SEMA3A: variants seen among roughly 807,000 people sequenced by gnomAD.
SEMA3A encodes semaphorin-3A.
In SEMA3A, 29 loss-of-function variants were observed where a neutral mutation model predicts 97.9. That is an observed-to-expected ratio of 0.30 (90% CI 0.22 to 0.40). The LOEUF (loss-of-function observed/expected upper bound fraction) is 0.40. SEMA3A is among the 10% of genes least tolerant of loss of function. The pLI, the probability that SEMA3A is intolerant of heterozygous loss-of-function variation, is 1.00. For missense variants in SEMA3A, 763 were observed against 951.3 expected, an observed-to-expected ratio of 0.80 and a Z score of 2.60; for synonymous variants, 321 against 323.7, an observed-to-expected ratio of 0.99 and a Z score of 0.09.
At chr7:84,341,350 T>C (rs1299342815) in intron 2 of SEMA3A, among the ~76,000 whole-genome samples, 5 of 152,204 alleles carry the variant, frequency 3.3e-5, no homozygotes, top group Admixed American at 6.5e-5. Flanking sequence ...ATGTTTGTTT[T>C]ATCAATCTTC....
intron 2 of SEMA3A, among the ~76,000 whole-genome samples, chr7:84,356,907 A>G (rs1238469670): frequency 6.6e-6 from 1 of 151,786 alleles, no homozygotes; most frequent in Non-Finnish European, 1.5e-5. Flanking sequence ...TTAAGTTTTT[A>G]CTATTTTGAA....
chr7:84,314,449 T>C (rs1271729649), intron 2 of SEMA3A, among the ~76,000 whole-genome samples: 1 of 152,126 alleles, frequency 6.6e-6, no homozygotes, highest in African/African-American at 2.4e-5. Context: ...AGCAGAAGCT[T>C]TAAGATCCAG....
chr7:84,378,835 ATTTG>A (rs1316642771), intron 1 of SEMA3A, among the ~76,000 whole-genome samples: 1 of 151,660 alleles, frequency 6.6e-6, no homozygotes, highest in Non-Finnish European at 1.5e-5. Context: ...TACATTTATT[ATTTG>A]TTTTTTTCTG....
intron 3 of SEMA3A, among the ~76,000 whole-genome samples, chr7:84,263,301 A>C (rs774114009): frequency 6.6e-6 from 1 of 152,234 alleles, no homozygotes; most frequent in Non-Finnish European, 1.5e-5. Flanking sequence ...TGGAAGTCCC[A>C]GTAACTCCCA....
chr7:84,214,332 T>C (rs1371162108), intron 3 of SEMA3A, among the ~76,000 whole-genome samples: 1 of 152,218 alleles, frequency 6.6e-6, no homozygotes, highest in Non-Finnish European at 1.5e-5. Flanking sequence ...ACATTGTATG[T>C]CTCGTTAGAT....
chr7:84,027,764 C>T (rs777752988), intron 6 of SEMA3A, among the ~76,000 whole-genome samples: 9 of 152,082 alleles, frequency 5.9e-5, no homozygotes, highest in Non-Finnish European at 1.0e-4. Flanking sequence ...ACTGTGTGAC[C>T]ATGAGCAAGT....
intron 1 of SEMA3A, among the ~76,000 whole-genome samples, chr7:84,399,641 T>C (rs1803843939): frequency 6.6e-6 from 1 of 152,212 alleles, no homozygotes; most frequent in South Asian, 2.1e-4. Flanking sequence ...TCATTATTAC[T>C]AGGTCATTGC....
At chr7:84,447,951 G>A (rs1370765583) in intron 1 of SEMA3A, among the ~76,000 whole-genome samples, 1 of 152,234 alleles carries the variant, frequency 6.6e-6, no homozygotes, top group East Asian at 1.9e-4. Flanking sequence ...TGCATGTGGT[G>A]CATCTGGTCC....
intron 1 of SEMA3A, among the ~76,000 whole-genome samples, chr7:84,401,893 T>A (rs972517333): frequency 2.0e-5 from 3 of 152,114 alleles, no homozygotes; most frequent in Non-Finnish European, 2.9e-5. Context: ...CCTGAAACTA[T>A]GAAACTATTA....
intron 5 of SEMA3A, among the ~76,000 whole-genome samples, chr7:84,047,400 T>C (rs532122179): frequency 2.8e-4 from 43 of 152,196 alleles, no homozygotes; most frequent in African/African-American, 1.0e-3. Flanking sequence ...ATGTAAATAA[T>C]GTTATCCTTA....
chr7:84,261,717 T>A (rs1799859658), intron 3 of SEMA3A, among the ~76,000 whole-genome samples: 1 of 152,216 alleles, frequency 6.6e-6, no homozygotes, highest in South Asian at 2.1e-4. Context: ...CACACCTTGC[T>A]GCTCTCCGCC....
intron 3 of SEMA3A, among the ~76,000 whole-genome samples, chr7:84,230,503 T>C (rs1455126840): frequency 6.6e-6 from 1 of 151,990 alleles, no homozygotes; most frequent in Non-Finnish European, 1.5e-5. Flanking sequence ...TCCTCTTTTA[T>C]TGGTACTTTC....
At chr7:84,447,075 C>G (rs1454684332) in intron 1 of SEMA3A, among the ~76,000 whole-genome samples, 1 of 152,204 alleles carries the variant, frequency 6.6e-6, no homozygotes, top group Non-Finnish European at 1.5e-5. Flanking sequence ...GCTCTGATTT[C>G]AAAGCAAAGT....
intron 12 of SEMA3A, among the ~76,000 whole-genome samples, chr7:83,988,732 TATC>T (rs1562956826): frequency 6.6e-6 from 1 of 152,078 alleles, no homozygotes. Context: ...ACACAAAAAT[TATC>T]AATCATAAAG....
intron 3 of SEMA3A, among the ~76,000 whole-genome samples, chr7:84,265,072 C>T (rs1399328229): frequency 1.3e-5 from 2 of 152,074 alleles, no homozygotes; most frequent in Non-Finnish European, 2.9e-5. Flanking sequence ...GAAGGCTTCA[C>T]TTGAGTTTTG....
chr7:84,354,898 T>A (rs1448660981), intron 2 of SEMA3A, among the ~76,000 whole-genome samples: 1 of 151,770 alleles, frequency 6.6e-6, no homozygotes, highest in East Asian at 1.9e-4. Flanking sequence ...GATATGAAAA[T>A]ATGGTATCAT....
chr7:84,234,292 C>T (rs1799184062), intron 3 of SEMA3A, among the ~76,000 whole-genome samples: 1 of 152,074 alleles, frequency 6.6e-6, no homozygotes, highest in Non-Finnish European at 1.5e-5. Flanking sequence ...CCTGACCTTA[C>T]TCTGGTGGTG....
At chr7:84,340,151 T>C (rs1240574318) in intron 2 of SEMA3A, among the ~76,000 whole-genome samples, 1 of 152,136 alleles carries the variant, frequency 6.6e-6, no homozygotes, top group Admixed American at 6.6e-5. Flanking sequence ...TAATATACTT[T>C]TACAATTTCT....
chr7:84,170,965 A>AT (rs1797365849), intron 1 of SEMA3A, among the ~76,000 whole-genome samples: 1 of 152,128 alleles, frequency 6.6e-6, no homozygotes, highest in Non-Finnish European at 1.5e-5. Context: ...TATGAACAAA[A>AT]TAATCCCAAT....
Sources: allele counts gnomAD v4.1 joint callset (sites outside exome capture counted in the v4.1 genomes callset), GRCh38; gene constraint gnomAD v4.1.1; transcripts MANE v1.5; gene names NCBI Gene and HGNC (gene_info 2026-07-23, HGNC 2026-07-21).